HAS2: variants seen among roughly 807,000 people sequenced by gnomAD.
HAS2 encodes the protein hyaluronan synthase 2.
Under a neutral mutation model 51.6 loss-of-function variants are expected in HAS2, and 16 were observed. That is an observed-to-expected ratio of 0.31 (90% CI 0.21 to 0.47). HAS2 has a LOEUF of 0.47. Among genes scored for constraint, HAS2 ranks in the 20% least tolerant of loss-of-function variants. The probability of loss-of-function intolerance (pLI) is 1.00; values close to 1 mark genes in which losing one functional copy is unlikely to be tolerated. For missense variants in HAS2, 361 were observed against 662.6 expected (o/e 0.54, Z 5.00); for synonymous variants, 228 against 235.5 (o/e 0.97, Z 0.29).
At chr8:121,636,642 C>T (rs1162177162) in intron 1 of HAS2, among the ~76,000 whole-genome samples, 1 of 152,192 alleles carries the variant, frequency 6.6e-6, no homozygotes, top group African/African-American at 2.4e-5. Context: ...AACTGCTCTA[C>T]TGGTTCCTGA....
chr8:121,632,409 G>A (rs748300811), intron 1 of HAS2, among the ~76,000 whole-genome samples: 1 of 151,960 alleles, frequency 6.6e-6, no homozygotes, highest in Admixed American at 6.6e-5. Context: ...TAAATTATAA[G>A]TACTTACTAC....
At chr8:121,621,423 G>A (rs1812772469) in intron 2 of HAS2, among the ~76,000 whole-genome samples, 2 of 152,122 alleles carry the variant, frequency 1.3e-5, no homozygotes, top group African/African-American at 4.8e-5. Context: ...CCATCATCAT[G>A]GGACATTTGT....
chr8:121,629,997 T>A (rs1245360180), intron 1 of HAS2, among the ~76,000 whole-genome samples: 2 of 152,142 alleles, frequency 1.3e-5, no homozygotes, highest in Non-Finnish European at 2.9e-5. Context: ...GATTTTAGAA[T>A]TGAGTATTTT....
At chr8:121,638,971 TAA>T (rs1235407359) in intron 1 of HAS2, among the ~76,000 whole-genome samples, 2 of 152,224 alleles carry the variant, frequency 1.3e-5, no homozygotes, top group Non-Finnish European at 2.9e-5. Flanking sequence ...ATCGTGTATG[TAA>T]ATATGTGTTG....
chr8:121,629,939 T>A (rs180711126), intron 1 of HAS2, among the ~76,000 whole-genome samples: 2 of 152,326 alleles, frequency 1.3e-5, no homozygotes, highest in African/African-American at 4.8e-5. Flanking sequence ...TGAGTCACCA[T>A]ACCTCTCTGG....
chr8:121,618,197 T>C (rs978687896), intron 2 of HAS2, among the ~76,000 whole-genome samples: 1 of 152,088 alleles, frequency 6.6e-6, no homozygotes, highest in Non-Finnish European at 1.5e-5. Flanking sequence ...ATAAAGCAAA[T>C]GGAAAACCAA....
chr8:121,629,832 T>C (rs1326770404), intron 1 of HAS2, among the ~76,000 whole-genome samples: 4 of 152,204 alleles, frequency 2.6e-5, no homozygotes, highest in African/African-American at 9.7e-5. Flanking sequence ...CCAATGTGTA[T>C]TCTTCAACTT....
At chr8:121,635,049 T>G (rs1173127109) in intron 1 of HAS2, among the ~76,000 whole-genome samples, 1 of 152,198 alleles carries the variant, frequency 6.6e-6, no homozygotes, top group Non-Finnish European at 1.5e-5. Flanking sequence ...TATGAGCATG[T>G]GTGCATGTAT....
intron 1 of HAS2, among the ~76,000 whole-genome samples, chr8:121,633,017 A>C (rs1812954163): frequency 6.6e-6 from 1 of 152,104 alleles, no homozygotes. Flanking sequence ...TTCTCAATAA[A>C]TTTGCTGAAT....
intron 1 of HAS2, among the ~76,000 whole-genome samples, chr8:121,634,570 A>G (rs1274446328): frequency 6.6e-6 from 1 of 151,690 alleles, no homozygotes; most frequent in African/African-American, 2.4e-5. Flanking sequence ...TTGCATGAAA[A>G]CCAGGGCTTG....
At chr8:121,620,261 A>G (rs1301498633) in intron 2 of HAS2, among the ~76,000 whole-genome samples, 2 of 152,204 alleles carry the variant, frequency 1.3e-5, no homozygotes, top group Non-Finnish European at 2.9e-5. Context: ...TTTACTCAGT[A>G]GGGTGTAAAG....
Position 121,614,613 on chromosome 8 carries a change from G to T in HAS2, c.1155C>A (p.Phe385Leu). 1 of 1,613,966 alleles carries T rather than the reference G, an allele frequency of 6.2e-7. No individual in the cohort carries two copies. Among genetic ancestry groups the T allele is most frequent in the Non-Finnish European group, 8.5e-7 (1 of 1,179,816 alleles). The change falls in exon 4 of 4, where the codon TTC becomes TTA. Residue 385 changes from phenylalanine to leucine, a missense_variant. Around this residue, in one of 5 missense-constraint regions of HAS2, gnomAD observed 106 missense variants for 241.0 expected, o/e 0.44. Transcript: ENST00000303924. The surrounding 1 kb of genome is among the most constrained non-coding windows in gnomAD (Gnocchi z 7.2). ...CTGTGGCAATGAGAAAGAAAGGAAAGAATCCAGTGATAATCGCTTCGTAGG... is the reference window on the plus strand; with the variant it reads ...CTGTGGCAATGAGAAAGAAAGGAAATAATCCAGTGATAATCGCTTCGTAGG... ...WMTYEAIITG[F>L]FPFFLIATVI...
intron 2 of HAS2, among the ~76,000 whole-genome samples, chr8:121,628,119 T>C (rs1009732482): frequency 6.6e-6 from 1 of 152,202 alleles, no homozygotes; most frequent in Non-Finnish European, 1.5e-5. Flanking sequence ...GTAATGCTGT[T>C]TGGAGAGTGA....
intron 1 of HAS2, among the ~76,000 whole-genome samples, chr8:121,633,175 T>C (rs1419789249): frequency 6.7e-6 from 1 of 149,640 alleles, no homozygotes; most frequent in Non-Finnish European, 1.5e-5. Flanking sequence ...TCTTGCTCTG[T>C]CACCCAGGTT....
At chr8:121,636,261 C>G (rs902055561) in intron 1 of HAS2, among the ~76,000 whole-genome samples, 6 of 152,194 alleles carry the variant, frequency 3.9e-5, no homozygotes, top group African/African-American at 1.2e-4. Context: ...TGTATTCCCT[C>G]TGCTACTGTC....
chr8:121,617,377 G>A (rs887350456), intron 2 of HAS2, among the ~76,000 whole-genome samples, 171 bp from the exon 3 acceptor site: 4 of 152,070 alleles, frequency 2.6e-5, no homozygotes, highest in Admixed American at 6.6e-5. Context: ...CCAATACAAA[G>A]AGCCTATTTT....
intron 2 of HAS2, among the ~76,000 whole-genome samples, chr8:121,625,675 A>ATTTTTT (rs934743239): frequency 2.8e-5 from 3 of 108,104 alleles, no homozygotes; most frequent in African/African-American, 8.2e-5. Context: ...AGTCCAGCTA[A>ATTTTTT]TTTTTTTTTT....
chr8:121,613,833 C>T lies in HAS2; in HGVS notation c.*276G>A, dbSNP rs1812667268. 1 of 472,036 alleles carries T rather than the reference C, an allele frequency of 2.1e-6. No homozygotes were observed. The highest frequency in any genetic ancestry group is 2.0e-5 in the African/African-American group (1 of 51,142). The allele number at this position is 472,036 out of a possible 1,614,324, so 29.2% of individuals were successfully genotyped here. A position where few individuals can be genotyped will look rare whatever the true frequency, so the allele number is the denominator to read the frequency against. ...AGCATGGCTAGTGAGGTATATAGGGCAAAACACTTTCAGGCGGATGCACAG... is the reference window on the plus strand; with the variant it reads ...AGCATGGCTAGTGAGGTATATAGGGTAAAACACTTTCAGGCGGATGCACAG... On this transcript the variant is annotated 3_prime_UTR_variant, in exon 4 of 4. Coordinates refer to ENST00000303924, the MANE Select transcript of HAS2 (RefSeq NM_005328.3).
rs1369105561 is a variant in HAS2, at chr8:121,641,162, T to TC, written c.-311_-310insG. 30 of 57,250 alleles carry TC rather than the reference T, an allele frequency of 5.2e-4. No homozygotes were observed. Among genetic ancestry groups the TC allele is most frequent in the African/African-American group, 7.7e-4 (8 of 10,410 alleles). 3.5% of individuals were successfully genotyped at this position (57,250 alleles called of 1,614,324 possible). ...TTTTCTTTTTTCTTTTCTTTTCTTT[T>TC]TTTTTTTTTTTTTTTTTTGGGCTTC... is the stretch of plus-strand genomic sequence containing the variant. On this transcript the variant is annotated 5_prime_UTR_variant, in exon 1 of 4. Transcript: ENST00000303924.
Sources: gnomAD v4.1 joint callset for allele counts (sites outside exome capture counted in the v4.1 genomes callset) on GRCh38, gnomAD v4.1.1 for gene constraint, gnomAD v4.1.1 regional missense constraint, Gnocchi (gnomAD v3.1) non-coding constraint, MANE v1.5 for transcripts, NCBI Gene and HGNC (gene_info 2026-07-23, HGNC 2026-07-21) for gene names.